PWWP3A: variants seen among roughly 807,000 people sequenced by gnomAD.
The protein encoded by PWWP3A is PWWP domain containing 3A, DNA repair factor, also known as PWWP domain-containing DNA repair factor 3A.
A neutral mutation model predicts 79.0 loss-of-function variants in PWWP3A; 53 were observed. That is an observed-to-expected ratio of 0.67 (90% CI 0.54 to 0.84). The LOEUF (loss-of-function observed/expected upper bound fraction) is 0.84, where lower values mean the gene tolerates loss of function less well. PWWP3A is among the 40% of genes least tolerant of loss of function. The pLI is 0.00. For missense variants in PWWP3A, 973 were observed against 948.0 expected (o/e 1.03, Z -0.35); for synonymous variants, 443 against 394.4 (o/e 1.12, Z -1.46).
chr19:1,376,005 T>G (rs1327906481), intron 13 of PWWP3A, among the ~76,000 whole-genome samples: 1 of 151,416 alleles, frequency 6.6e-6, no homozygotes, highest in Non-Finnish European at 1.5e-5. Flanking sequence ...GAGACAGCAT[T>G]TCACCATCTT....
rs2082430128 is a variant in PWWP3A at position 1,377,696 on chromosome 19, G to T, written c.*1120G>T. On this transcript the variant is annotated 3_prime_UTR_variant, in exon 14 of 14. Transcript: ENST00000591337. Reference sequence around the variant, plus strand: ...ATTCTCAGTGGATGCTCCAGGCTGTGCCTACACAGCAGTGCTGGTGACATG... The same window carrying T: ...ATTCTCAGTGGATGCTCCAGGCTGTTCCTACACAGCAGTGCTGGTGACATG... 1 of 152,326 alleles carries T rather than the reference G, an allele frequency of 6.6e-6. No homozygotes were observed. The highest frequency in any genetic ancestry group is 1.5e-5 in the Non-Finnish European group (1 of 68,110). 9.4% of individuals were successfully genotyped at this position (152,326 alleles called of 1,614,324 possible).
chr19:1,356,289 C>G (rs764080315), intron 1 of PWWP3A, 35 bp from the exon 2 acceptor site: 5 of 1,124,054 alleles, frequency 4.4e-6, no homozygotes, highest in Non-Finnish European at 6.7e-6. Flanking sequence ...CGCCAGCAAA[C>G]AGTTGTATAA....
chr19:1,365,537 G>A (rs1240363848), intron 7 of PWWP3A, among the ~76,000 whole-genome samples: 1 of 152,268 alleles, frequency 6.6e-6, no homozygotes, highest in Non-Finnish European at 1.5e-5. Flanking sequence ...GGAAACCGGG[G>A]ATTGAATCTG....
At chr19:1,356,270 C>CG in intron 1 of PWWP3A, 54 bp from the exon 2 acceptor site, 1 of 927,790 alleles carries the variant, frequency 1.1e-6, no homozygotes, top group Non-Finnish European at 1.7e-6. Context: ...GCTGTGTCTG[C>CG]GTTAACATCG....
chr19:1,374,578 A>G (rs866203330), intron 13 of PWWP3A, among the ~76,000 whole-genome samples: 1 of 151,808 alleles, frequency 6.6e-6, no homozygotes, highest in Non-Finnish European at 1.5e-5. Context: ...GCTCTCCCCT[A>G]TTTCCAGGTC....
At position 1,354,995 on chromosome 19, in the gene PWWP3A, CGGCGGCGGCGGCGGT is replaced by C. The variant is rs1356680804; in HGVS notation, c.-204_-190del. On this transcript the variant is annotated 5_prime_UTR_variant, in exon 1 of 14. Coordinates refer to ENST00000591337, the MANE Select transcript of PWWP3A (RefSeq NM_001369789.1). ...CCGGCCCCGCGGGGAGCGGCGGCGG[CGGCGGCGGCGGCGGT>C]GGCGGAGGCGGTGAGCGCGGGCGGC... 1.3e-5 allele frequency: 2 copies of C among 149,306 alleles called. No individual in the cohort carries two copies. The highest frequency in any genetic ancestry group is 2.5e-5 in the African/African-American group (1 of 40,788). 9.2% of individuals were successfully genotyped at this position (149,306 alleles called of 1,614,324 possible).
rs116891019 is a variant in PWWP3A at position 1,363,323 on chromosome 19, T to C, written c.1213+972T>C. Among the ~76,000 whole-genome samples the C allele has an allele frequency of 7.0e-3, 1,062 of 152,356 alleles. 5 individuals are homozygous for C. The highest frequency in any genetic ancestry group is 0.011 in the Non-Finnish European group (782 of 68,042). On this transcript the variant is annotated intron_variant, in intron 6 of 13. Coordinates refer to ENST00000591337, the MANE Select transcript of PWWP3A (RefSeq NM_001369789.1). Reference sequence around the variant, plus strand: ...GCTAATGGTCAGACTTTTTAACAGTTTTCCACATGCTCTTCTGATCCTTTT... The same window carrying C: ...GCTAATGGTCAGACTTTTTAACAGTCTTCCACATGCTCTTCTGATCCTTTT...
intron 13 of PWWP3A, 92 bp from the exon 14 acceptor site, chr19:1,376,427 T>G (rs2082403289): frequency 7.6e-7 from 1 of 1,314,832 alleles, no homozygotes; most frequent in Non-Finnish European, 1.1e-6. Flanking sequence ...GTGCTGGGAT[T>G]ACAGGCGTGA....
chr19:1,356,311 A>G lies in PWWP3A; in HGVS notation c.-69-13A>G. Reference sequence around the variant, plus strand: ...AAACAGTTGTATAAACCACCGTGCAAATTTCGTTCCAGGACACATTGGCGT... The same window carrying G: ...AAACAGTTGTATAAACCACCGTGCAGATTTCGTTCCAGGACACATTGGCGT... On this transcript the variant is annotated splice_polypyrimidine_tract_variant and intron_variant, in intron 1 of 13. Transcript: ENST00000591337. The G allele has an allele frequency of 2.1e-6, 3 of 1,419,188 alleles. No individual in the cohort carries two copies. The highest frequency in any genetic ancestry group is 3.0e-6 in the Non-Finnish European group (3 of 1,003,890). 87.9% of individuals were successfully genotyped at this position (1,419,188 alleles called of 1,614,324 possible).
Position 1,373,144 on chromosome 19 carries a change from C to G in PWWP3A, c.2059C>G (p.Pro687Ala), listed in dbSNP as rs1568960056. Residue 687 changes from proline to alanine, a missense_variant, in exon 13 of 14, where the codon CCT becomes GCT. By Grantham distance (27) the Pro-to-Ala change is conservative. Coordinates refer to ENST00000591337, the MANE Select transcript of PWWP3A (RefSeq NM_001369789.1). ...GGCTGAGGAGAAGTACATCAAGGGG[C>G]CTTCGCTGAGCTACCGGTAGGCCGC... Reference protein sequence around the residue: ...KTAEEKYIKGPSLSYREKEIF... With the variant: ...KTAEEKYIKGASLSYREKEIF... The G allele has an allele frequency of 6.2e-7, 1 of 1,614,164 alleles. No individual in the cohort carries two copies. The highest frequency in any genetic ancestry group is 2.2e-5 in the East Asian group (1 of 44,884).
intron 6 of PWWP3A, 131 bp from the exon 7 acceptor site, chr19:1,364,378 C>T (rs893881568): frequency 4.3e-6 from 3 of 699,040 alleles, no homozygotes; most frequent in African/African-American, 1.8e-5. Flanking sequence ...ATCTTTTAAG[C>T]GAATGACACA....
At chr19:1,366,171 G>A (rs1394085228) in intron 7 of PWWP3A, 134 bp from the exon 8 acceptor site, 2 of 785,336 alleles carry the variant, frequency 2.5e-6, no homozygotes, top group South Asian at 1.7e-5. Flanking sequence ...GCCTCCTTGC[G>A]GGAGACTTCG....
Position 1,369,790 on chromosome 19 carries a change from GTT to G in PWWP3A, c.1549+147_1549+148del. On this transcript the variant is annotated intron_variant, in intron 11 of 13. Transcript: ENST00000591337. This position sits in a 1 kb window ranked among gnomAD's most constrained non-coding sequence, Gnocchi z 4.0. Reference sequence around the variant, plus strand: ...CACAGCATTGTTCAACCTCTATGAGGTTTTGATGTGACCCTGAGGCTCCCTGG... The same window carrying G: ...CACAGCATTGTTCAACCTCTATGAGGTTGATGTGACCCTGAGGCTCCCTGG... The G allele has an allele frequency of 2.1e-6, 2 of 966,466 alleles. No individual in the cohort carries two copies. Among genetic ancestry groups the G allele is most frequent in the Non-Finnish European group, 3.3e-6 (2 of 608,922 alleles). 59.9% of individuals were successfully genotyped at this position (966,466 alleles called of 1,614,324 possible).
chr19:1,358,495 T>C, intron 4 of PWWP3A, 31 bp downstream of exon 4: 1 of 1,611,490 alleles, frequency 6.2e-7, no homozygotes. Flanking sequence ...GGCCACTAGG[T>C]TTTCATAAAA....
At chr19:1,358,806 T>A in intron 4 of PWWP3A, 1 of 643,222 alleles carries the variant, frequency 1.6e-6, no homozygotes, top group Non-Finnish European at 2.6e-6. Flanking sequence ...TTCCTCTTCC[T>A]ATAGTAAGAT....
rs1003151283 is a variant in PWWP3A at position 1,368,634 on chromosome 19, G to A, written c.1423-631G>A. On this transcript the variant is annotated intron_variant, in intron 9 of 13. Coordinates refer to ENST00000591337, the MANE Select transcript of PWWP3A (RefSeq NM_001369789.1). This position sits in a 1 kb window ranked among gnomAD's most constrained non-coding sequence, Gnocchi z 4.7. The stretch of plus-strand genomic sequence containing the variant: ...CGTGGCTTTATGGCATCTTTGGGAC[G>A]GCTGTGTCCTTTTCTGGGGACCCAC... Among the ~76,000 whole-genome samples, 5 of 152,168 alleles carry A rather than the reference G, an allele frequency of 3.3e-5. No individual in the cohort carries two copies. The highest frequency in any genetic ancestry group is 4.8e-5 in the African/African-American group (2 of 41,444).
chr19:1,371,214 C>T, intron 12 of PWWP3A, 136 bp downstream of exon 12: 2 of 965,486 alleles, frequency 2.1e-6, no homozygotes, highest in East Asian at 5.2e-5. Context: ...TGGAGGCCTC[C>T]TGTGTTTACA....
intron 13 of PWWP3A, chr19:1,373,453 T>G (rs1356909747): frequency 4.5e-6 from 2 of 440,048 alleles, no homozygotes; most frequent in African/African-American, 4.0e-5. Context: ...GGCTGATGTT[T>G]GCTTTTTGCA....
In PWWP3A at chr19:1,376,754, A is replaced by C; in HGVS notation, c.*178A>C. 2.0e-6 allele frequency: 1 copy of C among 505,486 alleles called. No homozygotes were observed. 31.3% of individuals were successfully genotyped at this position (505,486 alleles called of 1,614,324 possible). On this transcript the variant is annotated 3_prime_UTR_variant, in exon 14 of 14. Transcript: ENST00000591337. ...TGGAGAATCCATTTCGTTAACACTG[A>C]AAGCCAGTTCTCTTTTCCTGGCAGT...
Sources: allele counts gnomAD v4.1 joint callset (sites outside exome capture counted in the v4.1 genomes callset), GRCh38; gene constraint gnomAD v4.1.1; non-coding constraint Gnocchi (gnomAD v3.1); transcripts MANE v1.5; gene names NCBI Gene and HGNC (gene_info 2026-07-23, HGNC 2026-07-21).